CAMKMT: variants seen among roughly 807,000 people sequenced by gnomAD.
CAMKMT encodes the protein calmodulin-lysine N-methyltransferase.
In CAMKMT, 53 loss-of-function variants were observed where a neutral mutation model predicts 48.0. The observed-to-expected ratio is 1.10, with a 90% CI of 0.89 to 1.39. The LOEUF is 1.39. Among genes scored for constraint, CAMKMT ranks in the 40% most tolerant of loss-of-function variants. The probability of loss-of-function intolerance (pLI) is 0.00; values close to 1 mark genes in which losing one functional copy is unlikely to be tolerated. For missense variants in CAMKMT, 428 were observed against 402.7 expected, an observed-to-expected ratio of 1.06 and a Z score of -0.54; for synonymous variants, 165 against 152.3, an observed-to-expected ratio of 1.08 and a Z score of -0.61.
At chr2:44,479,860 G>A (rs1434192354) in intron 3 of CAMKMT, among the ~76,000 whole-genome samples, 3 of 152,112 alleles carry the variant, frequency 2.0e-5, no homozygotes, top group African/African-American at 7.2e-5. Context: ...AGTATTGACA[G>A]CCGTAATTTT....
intron 3 of CAMKMT, among the ~76,000 whole-genome samples, chr2:44,543,147 C>G (rs1234528132): frequency 2.0e-5 from 3 of 152,126 alleles, no homozygotes; most frequent in Non-Finnish European, 2.9e-5. Context: ...TTTGAAGCAA[C>G]TGGGGCACAC....
intron 3 of CAMKMT, among the ~76,000 whole-genome samples, chr2:44,661,479 C>A (rs1028611985): frequency 6.6e-6 from 1 of 151,982 alleles, no homozygotes; most frequent in African/African-American, 2.4e-5. Flanking sequence ...TTATGCCCAG[C>A]TAATTTCTGT....
intron 3 of CAMKMT, among the ~76,000 whole-genome samples, chr2:44,689,036 C>T (rs531026868): frequency 1.3e-5 from 2 of 152,232 alleles, no homozygotes; most frequent in African/African-American, 4.8e-5. Flanking sequence ...GACTCCGAGG[C>T]AGGAAAATGC....
intron 3 of CAMKMT, among the ~76,000 whole-genome samples, chr2:44,537,583 G>C (rs1666846551): frequency 6.6e-6 from 1 of 151,740 alleles, no homozygotes; most frequent in South Asian, 2.1e-4. Context: ...CTTTCTTTCT[G>C]AGACAGGATC....
chr2:44,443,920 T>A (rs1256955053), intron 3 of CAMKMT, among the ~76,000 whole-genome samples: 4 of 151,426 alleles, frequency 2.6e-5, no homozygotes, highest in African/African-American at 9.7e-5. Context: ...ATGAAACAAA[T>A]AAAGAAAAAG....
intron 3 of CAMKMT, among the ~76,000 whole-genome samples, chr2:44,397,258 A>G (rs910985190): frequency 6.6e-6 from 1 of 152,146 alleles, no homozygotes; most frequent in Non-Finnish European, 1.5e-5. Flanking sequence ...GTGGCAGAAT[A>G]TTGAGCTTTG....
intron 3 of CAMKMT, among the ~76,000 whole-genome samples, chr2:44,545,098 A>G (rs919884940): frequency 4.6e-5 from 7 of 152,246 alleles, no homozygotes; most frequent in African/African-American, 1.7e-4. Flanking sequence ...CTATTCAGAT[A>G]TAATAAACAG....
intron 3 of CAMKMT, among the ~76,000 whole-genome samples, chr2:44,697,744 G>T (rs1292733872): frequency 6.6e-6 from 1 of 152,052 alleles, no homozygotes; most frequent in Admixed American, 6.6e-5. Context: ...TGGATAAGGG[G>T]CACACATATG....
intron 3 of CAMKMT, among the ~76,000 whole-genome samples, chr2:44,526,881 T>A (rs72881110): frequency 0.1 from 15,640 of 152,132 alleles, 987 homozygotes; most frequent in Admixed American, 0.17. Flanking sequence ...TTCAGTAAGA[T>A]ATAGTTCATA....
chr2:44,393,842 TC>T (rs1681579211), intron 3 of CAMKMT, among the ~76,000 whole-genome samples: 2 of 152,246 alleles, frequency 1.3e-5, no homozygotes, highest in Non-Finnish European at 2.9e-5. Flanking sequence ...TCCTCTGACC[TC>T]TGGTCAAAGA....
rs770461976 is a variant in CAMKMT at position 44,597,893 on chromosome 2, C to T, written c.377-106390C>T. Among the ~76,000 whole-genome samples the T allele has an allele frequency of 2.0e-5, 3 of 151,998 alleles. No individual in the cohort carries two copies. In the South Asian group the frequency reaches 6.2e-4, roughly 32 times the overall value. ...CTGGGATTACAGGCATGCACCACCA[C>T]CCTGGGCTAATTTTTGTGTTTTTAG... On this transcript the variant is annotated intron_variant, in intron 3 of 10. Coordinates refer to ENST00000378494, the MANE Select transcript of CAMKMT (RefSeq NM_024766.5).
At chr2:44,683,673 AT>A (rs1389576183) in intron 3 of CAMKMT, among the ~76,000 whole-genome samples, 1 of 151,934 alleles carries the variant, frequency 6.6e-6, no homozygotes, top group Non-Finnish European at 1.5e-5. Flanking sequence ...ATACAAAAAA[AT>A]TAGGCGGGCG....
At chr2:44,548,964 GATAA>G (rs968091319) in intron 3 of CAMKMT, among the ~76,000 whole-genome samples, 2 of 152,168 alleles carry the variant, frequency 1.3e-5, no homozygotes, top group African/African-American at 4.8e-5. Flanking sequence ...GTTGTGAACT[GATAA>G]ATGAGTGATG....
At chr2:44,660,433 T>C (rs954449101) in intron 3 of CAMKMT, among the ~76,000 whole-genome samples, 1 of 152,254 alleles carries the variant, frequency 6.6e-6, no homozygotes, top group African/African-American at 2.4e-5. Flanking sequence ...CAATGCATAT[T>C]GCAACATAAG....
At chr2:44,771,651 C>T (rs749610047) in intron 10 of CAMKMT, among the ~76,000 whole-genome samples, 7 of 152,166 alleles carry the variant, frequency 4.6e-5, no homozygotes, top group Non-Finnish European at 4.4e-5. Flanking sequence ...CTGAAATGCC[C>T]GCCTGCCTGA....
chr2:44,474,602 A>G (rs1668591186), intron 3 of CAMKMT, among the ~76,000 whole-genome samples: 1 of 152,186 alleles, frequency 6.6e-6, no homozygotes, highest in African/African-American at 2.4e-5. Context: ...TTACTATTTA[A>G]TTCCTATATG....
At chr2:44,472,538 C>T (rs968287795) in intron 3 of CAMKMT, among the ~76,000 whole-genome samples, 4 of 152,134 alleles carry the variant, frequency 2.6e-5, no homozygotes, top group African/African-American at 9.7e-5. Context: ...TAAAAACATT[C>T]ATAATACAAA....
chr2:44,688,448 G>A (rs1323069047), intron 3 of CAMKMT, among the ~76,000 whole-genome samples: 1 of 151,508 alleles, frequency 6.6e-6, no homozygotes, highest in Non-Finnish European at 1.5e-5. Context: ...TTGCACAGCT[G>A]AGATTGTCAG....
At chr2:44,407,571 C>T (rs1682870460) in intron 3 of CAMKMT, among the ~76,000 whole-genome samples, 1 of 152,088 alleles carries the variant, frequency 6.6e-6, no homozygotes, top group Non-Finnish European at 1.5e-5. Flanking sequence ...TGAACCTCTG[C>T]AGTAAAATGG....
Sources: allele counts gnomAD v4.1 joint callset (sites outside exome capture counted in the v4.1 genomes callset), GRCh38; gene constraint gnomAD v4.1.1; transcripts MANE v1.5; gene names NCBI Gene and HGNC (gene_info 2026-07-23, HGNC 2026-07-21).